Variants in RFX4 observed in about 807,000 individuals in gnomAD.
The protein encoded by RFX4 is regulatory factor X4.
Under a neutral mutation model 95.0 loss-of-function variants are expected in RFX4, and 10 were observed. The observed-to-expected ratio is 0.11, with a 90% CI of 0.06 to 0.18. The LOEUF is 0.18. Among genes scored for constraint, RFX4 ranks in the 10% least tolerant of loss-of-function variants. The pLI, the probability that RFX4 is intolerant of heterozygous loss-of-function variation, is 1.00. For synonymous variants in RFX4, 321 were observed against 340.7 expected, an observed-to-expected ratio of 0.94 and a Z score of 0.64; for missense variants, 640 against 922.0, an observed-to-expected ratio of 0.69 and a Z score of 3.96.
chr12:106,598,901 A>G (rs1447508904), intron 1 of RFX4, among the ~76,000 whole-genome samples: 1 of 152,242 alleles, frequency 6.6e-6, no homozygotes, highest in East Asian at 1.9e-4. Context: ...GTCTGCTAAC[A>G]TTAAGTAGTA....
At chr12:106,647,241 A>T (rs1383895213) in intron 3 of RFX4, among the ~76,000 whole-genome samples, 1 of 152,188 alleles carries the variant, frequency 6.6e-6, no homozygotes, top group Non-Finnish European at 1.5e-5. Context: ...AATGAATGTC[A>T]GTCTCTGGCA....
chr12:106,733,961 G>A (rs1289855543), intron 15 of RFX4, among the ~76,000 whole-genome samples: 1 of 152,192 alleles, frequency 6.6e-6, no homozygotes, highest in Non-Finnish European at 1.5e-5. Flanking sequence ...AGAAAATGTG[G>A]TATATACATA....
intron 8 of RFX4, among the ~76,000 whole-genome samples, chr12:106,702,954 C>T (rs1324719564): frequency 1.3e-5 from 2 of 152,226 alleles, no homozygotes; most frequent in African/African-American, 4.8e-5. Flanking sequence ...TCATGAACAC[C>T]TGGTGAGGCC....
intron 10 of RFX4, among the ~76,000 whole-genome samples, 191 bp downstream of exon 10, chr12:106,711,702 C>G (rs2042193893): frequency 6.6e-6 from 1 of 152,214 alleles, no homozygotes; most frequent in Admixed American, 6.5e-5. Context: ...AAAATAATTT[C>G]TGGTATCAGT....
intron 1 of RFX4, among the ~76,000 whole-genome samples, chr12:106,603,826 A>G (rs1235133373): frequency 6.6e-6 from 1 of 152,206 alleles, no homozygotes; most frequent in Non-Finnish European, 1.5e-5. Flanking sequence ...ATGAAAACAT[A>G]ACATGTAATG....
At chr12:106,677,437 A>G (rs1278821061) in intron 4 of RFX4, among the ~76,000 whole-genome samples, 1 of 152,084 alleles carries the variant, frequency 6.6e-6, no homozygotes, top group East Asian at 1.9e-4. Context: ...TCGATCACAG[A>G]GGGCCTCATG....
At chr12:106,664,895 A>G (rs2041144589) in intron 4 of RFX4, among the ~76,000 whole-genome samples, 1 of 151,944 alleles carries the variant, frequency 6.6e-6, no homozygotes, top group Admixed American at 6.5e-5. Context: ...GTGGCCTGAG[A>G]GCAGACATTA....
intron 8 of RFX4, among the ~76,000 whole-genome samples, chr12:106,701,413 A>C (rs2137466728): frequency 6.6e-6 from 1 of 151,908 alleles, no homozygotes; most frequent in South Asian, 2.1e-4. Flanking sequence ...CTGTGCTTTG[A>C]TGTATTTCAT....
intron 1 of RFX4, among the ~76,000 whole-genome samples, chr12:106,602,423 A>G (rs1677145354): frequency 6.6e-6 from 1 of 152,230 alleles, no homozygotes; most frequent in Non-Finnish European, 1.5e-5. Flanking sequence ...TCAGGTAGGT[A>G]GGAATTTAGG....
At chr12:106,750,338 A>G (rs1370696687) in intron 16 of RFX4, among the ~76,000 whole-genome samples, 1 of 151,982 alleles carries the variant, frequency 6.6e-6, no homozygotes, top group East Asian at 1.9e-4. Context: ...TTAGCCGGGC[A>G]TGGTGGCACA....
chr12:106,715,354 G>A (rs1399407608), intron 10 of RFX4, 46 bp from the exon 11 acceptor site: 7 of 1,595,498 alleles, frequency 4.4e-6, no homozygotes, highest in Admixed American at 3.4e-5. Context: ...CAGTGAAAGG[G>A]TTTTAACAAC....
intron 7 of RFX4, among the ~76,000 whole-genome samples, chr12:106,695,836 C>T (rs937949932): frequency 1.3e-5 from 2 of 152,190 alleles, no homozygotes; most frequent in African/African-American, 4.8e-5. Context: ...TCCTTTTACC[C>T]GCGACTCCCA....
intron 4 of RFX4, among the ~76,000 whole-genome samples, chr12:106,679,351 A>G (rs1328282527): frequency 6.6e-6 from 1 of 151,976 alleles, no homozygotes; most frequent in Non-Finnish European, 1.5e-5. Context: ...GCTACTTGGT[A>G]GGCTGAGGCA....
intron 2 of RFX4, among the ~76,000 whole-genome samples, chr12:106,633,502 T>C (rs2040456262): frequency 6.6e-6 from 1 of 152,232 alleles, no homozygotes. Flanking sequence ...ATTATTAGTA[T>C]GGCATTTTTA....
At chr12:106,605,662 G>C (rs931752099) in intron 1 of RFX4, among the ~76,000 whole-genome samples, 2 of 152,212 alleles carry the variant, frequency 1.3e-5, no homozygotes, top group African/African-American at 4.8e-5. Flanking sequence ...AGAAGCAGGT[G>C]AACTGGATGG....
intron 4 of RFX4, among the ~76,000 whole-genome samples, chr12:106,673,586 A>C (rs2041331894): frequency 6.6e-6 from 1 of 152,244 alleles, no homozygotes; most frequent in Non-Finnish European, 1.5e-5. Flanking sequence ...ATGCTGTCCT[A>C]TACTTTATAA....
chr12:106,719,087 A>G (rs2042349404), intron 11 of RFX4, among the ~76,000 whole-genome samples: 2 of 152,078 alleles, frequency 1.3e-5, no homozygotes, highest in African/African-American at 4.8e-5. Flanking sequence ...GCGCCACTGC[A>G]CTCCAGCCTG....
intron 8 of RFX4, among the ~76,000 whole-genome samples, chr12:106,697,073 G>T (rs1355069467): frequency 6.6e-6 from 1 of 152,146 alleles, no homozygotes; most frequent in Non-Finnish European, 1.5e-5. Flanking sequence ...CTGTGAGATT[G>T]TGTTGAGCTG....
chr12:106,691,193 A>T (rs1178195408), intron 7 of RFX4, among the ~76,000 whole-genome samples: 4 of 152,338 alleles, frequency 2.6e-5, no homozygotes, highest in East Asian at 1.9e-4. Flanking sequence ...ATGAAGATTT[A>T]AAAAAATCAT....
Sources: gnomAD v4.1 joint callset for allele counts (sites outside exome capture counted in the v4.1 genomes callset) on GRCh38, gnomAD v4.1.1 for gene constraint, MANE v1.5 for transcripts, NCBI Gene and HGNC (gene_info 2026-07-23, HGNC 2026-07-21) for gene names.